Variants in SCN8A observed in about 807,000 individuals in gnomAD.
The protein encoded by SCN8A is sodium channel protein type 8 subunit alpha.
Under a neutral mutation model 184.1 loss-of-function variants are expected in SCN8A, and 30 were observed. The observed-to-expected ratio is 0.16, with a 90% CI of 0.12 to 0.22. The LOEUF is 0.22. Among genes scored for constraint, SCN8A ranks in the 10% least tolerant of loss-of-function variants. The pLI, the probability that SCN8A is intolerant of heterozygous loss-of-function variation, is 1.00. For missense variants in SCN8A, 1,057 were observed against 2,498.9 expected (o/e 0.42, Z 12.30); for synonymous variants, 852 against 907.0 (o/e 0.94, Z 1.09).
At chr12:51,726,012 C>T (rs964740246) in intron 12 of SCN8A, among the ~76,000 whole-genome samples, 1 of 152,156 alleles carries the variant, frequency 6.6e-6, no homozygotes, top group African/African-American at 2.4e-5. Flanking sequence ...TAGGCTATGC[C>T]AAATCTATAT....
At chr12:51,739,231 T>G (rs1399544272) in intron 12 of SCN8A, among the ~76,000 whole-genome samples, 1 of 152,188 alleles carries the variant, frequency 6.6e-6, no homozygotes, top group East Asian at 1.9e-4. Flanking sequence ...AATATTTCCC[T>G]GTTGATCTGG....
chr12:51,602,920 G>A (rs763813104), intron 1 of SCN8A, among the ~76,000 whole-genome samples: 65 of 152,004 alleles, frequency 4.3e-4, no homozygotes, highest in Non-Finnish European at 9.0e-4. Flanking sequence ...CTCATGAATG[G>A]CAAATATTAT....
chr12:51,742,831 C>CT (rs1399421882), intron 12 of SCN8A, among the ~76,000 whole-genome samples: 5 of 152,096 alleles, frequency 3.3e-5, no homozygotes, highest in African/African-American at 7.2e-5. Context: ...GCCAATAACT[C>CT]TAAGATTTTC....
In SCN8A at chr12:51,705,452, C is replaced by T. The variant is rs1196360839; in HGVS notation, c.1170C>T (p.Phe390=). Residue 390 remains phenylalanine (F), a synonymous_variant, in exon 10 of 27, where the codon TTC becomes TTT. Transcript: ENST00000627620. ...CAGCCGGGAAAACATACATGATCTT[C>T]TTCGTCTTGGTCATCTTTGTGGGTT... is the stretch of plus-strand genomic sequence containing the variant. ...LRAAGKTYMI[F]FVLVIFVGSF... is the part of the protein sequence containing the mutation. 3 of 1,613,972 alleles carry T rather than the reference C, an allele frequency of 1.9e-6. No individual in the cohort carries two copies. Among genetic ancestry groups the T allele is most frequent in the Non-Finnish European group, 2.5e-6 (3 of 1,179,870 alleles).
intron 25 of SCN8A, 38 bp from the exon 26 acceptor site, chr12:51,794,333 T>C: frequency 1.3e-6 from 2 of 1,580,296 alleles, no homozygotes; most frequent in South Asian, 2.4e-5. Context: ...GGAAAGGTTT[T>C]CATGAATCTT....
chr12:51,633,638 C>T (rs1329922453), intron 1 of SCN8A, among the ~76,000 whole-genome samples: 1 of 152,176 alleles, frequency 6.6e-6, no homozygotes, highest in Non-Finnish European at 1.5e-5. Context: ...CTCTGTTGCA[C>T]ATTAAACTTG....
At chr12:51,598,468 C>T (rs1398166180) in intron 1 of SCN8A, among the ~76,000 whole-genome samples, 2 of 152,086 alleles carry the variant, frequency 1.3e-5, no homozygotes. Context: ...CTGATCTCTG[C>T]ATTGAGAAAA....
chr12:51,767,791 C>T (rs920731220), intron 16 of SCN8A, among the ~76,000 whole-genome samples: 1 of 152,234 alleles, frequency 6.6e-6, no homozygotes, highest in Non-Finnish European at 1.5e-5. Flanking sequence ...CTTATCAATT[C>T]ATGCATGTAA....
chr12:51,673,415 T>G (rs1941166896), intron 2 of SCN8A, among the ~76,000 whole-genome samples: 1 of 152,180 alleles, frequency 6.6e-6, no homozygotes, highest in Non-Finnish European at 1.5e-5. Flanking sequence ...TATGTTGTTG[T>G]GTTTAGTTCA....
intron 1 of SCN8A, among the ~76,000 whole-genome samples, chr12:51,601,855 GT>G (rs938674707): frequency 0.075 from 8,183 of 109,772 alleles, 356 homozygotes; most frequent in African/African-American, 0.16. Context: ...CAGAGAAAGG[GT>G]TTTTTTTTTT....
At position 51,705,630 on chromosome 12, in the gene SCN8A, G is replaced by T. The variant is rs778898168; in HGVS notation, c.1341+7G>T. The T allele has an allele frequency of 6.2e-7, 1 of 1,610,120 alleles. No individual in the cohort carries two copies. The highest frequency in any genetic ancestry group is 8.5e-7 in the Non-Finnish European group (1 of 1,177,968). ...GCAACAGGAAGAGGCACAGGTTGGTGATGAATTCTTTGCAATAGACCTTCC... is the reference window on the plus strand; with the variant it reads ...GCAACAGGAAGAGGCACAGGTTGGTTATGAATTCTTTGCAATAGACCTTCC... On this transcript the variant is annotated splice_region_variant and intron_variant, in intron 10 of 26. Transcript: ENST00000627620.
At chr12:51,631,557 A>G (rs1246209100) in intron 1 of SCN8A, among the ~76,000 whole-genome samples, 1 of 152,230 alleles carries the variant, frequency 6.6e-6, no homozygotes, top group African/African-American at 2.4e-5. Context: ...GTAGCAAGAA[A>G]GCAACATCTG....
intron 12 of SCN8A, among the ~76,000 whole-genome samples, chr12:51,739,737 C>T (rs1026101650): frequency 2.6e-5 from 4 of 152,146 alleles, no homozygotes. Context: ...GGATTTGAGC[C>T]CCCACGAATG....
chr12:51,682,094 A>C (rs1329945992), intron 2 of SCN8A, among the ~76,000 whole-genome samples: 1 of 152,194 alleles, frequency 6.6e-6, no homozygotes, highest in Non-Finnish European at 1.5e-5. Flanking sequence ...TAAGATGATC[A>C]TGTGGTTTTT....
At chr12:51,604,454 C>T (rs938938425) in intron 1 of SCN8A, among the ~76,000 whole-genome samples, 26 of 152,016 alleles carry the variant, frequency 1.7e-4, no homozygotes, top group African/African-American at 5.3e-4. Context: ...CAATACCACA[C>T]GGTCTCTTTT....
At chr12:51,596,991 C>T (rs1939362519) in intron 1 of SCN8A, among the ~76,000 whole-genome samples, 1 of 151,992 alleles carries the variant, frequency 6.6e-6, no homozygotes, top group Non-Finnish European at 1.5e-5. Context: ...GTGATGGGTA[C>T]GGGCAGCAAG....
intron 20 of SCN8A, among the ~76,000 whole-genome samples, chr12:51,777,882 G>A (rs1030362768): frequency 2.0e-5 from 3 of 152,204 alleles, no homozygotes; most frequent in Admixed American, 2.0e-4. Context: ...TTGAGTCCAG[G>A]TACTTGGTTG....
intron 16 of SCN8A, chr12:51,768,270 G>C (rs1339819518): frequency 1.3e-5 from 2 of 152,200 alleles, no homozygotes; most frequent in Non-Finnish European, 2.9e-5. Flanking sequence ...CTGATGGCTT[G>C]ACATTTGGCT....
chr12:51,699,631 C>T lies in SCN8A; in HGVS notation c.768C>T (p.Ile256=). The change falls in exon 7 of 27, where the codon ATC becomes ATT. Residue 256 remains isoleucine, a synonymous_variant. Coordinates refer to ENST00000627620, the MANE Select transcript of SCN8A (RefSeq NM_001330260.2). ...TGAAGAAACTGTCAGATGTGATGATCCTGACAGTGTTCTGCCTGAGTGTTT... is the reference window on the plus strand; with the variant it reads ...TGAAGAAACTGTCAGATGTGATGATTCTGACAGTGTTCTGCCTGAGTGTTT... ...QSVKKLSDVM[I]LTVFCLSVFA... is the part of the protein sequence containing the mutation. The T allele has an allele frequency of 6.2e-7, 1 of 1,614,002 alleles. No individual in the cohort carries two copies. Among genetic ancestry groups the T allele is most frequent in the Non-Finnish European group, 8.5e-7 (1 of 1,179,980 alleles).
Sources: gnomAD v4.1 joint callset for allele counts (sites outside exome capture counted in the v4.1 genomes callset) on GRCh38, gnomAD v4.1.1 for gene constraint, MANE v1.5 for transcripts, NCBI Gene and HGNC (gene_info 2026-07-23, HGNC 2026-07-21) for gene names.